Variants in MEIOC observed in about 807,000 individuals in gnomAD.
The protein encoded by MEIOC is meiosis specific with coiled-coil domain, also known as meiosis-specific coiled-coil domain-containing protein MEIOC.
MEIOC carries 9 observed loss-of-function variants against 85.3 expected under a neutral mutation model. The observed-to-expected ratio is 0.11, with a 90% confidence interval of 0.06 to 0.18. MEIOC has a LOEUF of 0.18. Among genes scored for constraint, MEIOC ranks in the 10% least tolerant of loss-of-function variants. The pLI, the probability that MEIOC is intolerant of heterozygous loss-of-function variation, is 1.00. For missense variants in MEIOC, 898 were observed against 1,129.4 expected (o/e 0.80, Z 2.94); for synonymous variants, 365 against 393.7 (o/e 0.93, Z 0.86).
At chr17:44,664,894 A>G (rs931822095) in intron 3 of MEIOC, among the ~76,000 whole-genome samples, 8 of 152,202 alleles carry the variant, frequency 5.3e-5, no homozygotes, top group Non-Finnish European at 1.0e-4. Context: ...GGATGACCAT[A>G]TCGCATTTCA....
intron 2 of MEIOC, among the ~76,000 whole-genome samples, chr17:44,658,180 A>T (rs899229835): frequency 7.6e-6 from 1 of 130,850 alleles, no homozygotes; most frequent in Non-Finnish European, 1.6e-5. Context: ...TTTGAGACGG[A>T]GTCTTGCTCT....
Position 44,675,272 on chromosome 17 carries a change from A to C in MEIOC, c.*1076A>C, listed in dbSNP as rs1289984284. The C allele has an allele frequency of 1.2e-5, 12 of 983,044 alleles. No individual in the cohort carries two copies. Among genetic ancestry groups the C allele is most frequent in the Non-Finnish European group, 1.4e-5 (12 of 827,950 alleles). The allele number at this position is 983,044 out of a possible 1,614,324, so 60.9% of individuals were successfully genotyped here. Reference sequence around the variant, plus strand: ...ATTAGTTTGCTTCTGTATTTTTTTAAAACTATTGAAAGCTTAACTTTTTCT... The same window carrying C: ...ATTAGTTTGCTTCTGTATTTTTTTACAACTATTGAAAGCTTAACTTTTTCT... On this transcript the variant is annotated 3_prime_UTR_variant, in exon 8 of 8. Coordinates refer to ENST00000409122, the MANE Select transcript of MEIOC (RefSeq NM_001145080.3).
intron 2 of MEIOC, among the ~76,000 whole-genome samples, chr17:44,661,203 G>T (rs1320340985): frequency 6.9e-6 from 1 of 144,240 alleles, no homozygotes; most frequent in African/African-American, 2.6e-5. Flanking sequence ...CAGGAGAATC[G>T]CTTCAACCCG....
chr17:44,656,992 G>T, intron 1 of MEIOC, 135 bp from the exon 2 acceptor site: 1 of 1,033,562 alleles, frequency 9.7e-7, no homozygotes, highest in South Asian at 1.8e-5. Context: ...GGAAGCGCGG[G>T]CCCCCACATT....
At chr17:44,657,378 C>CTTT (rs35032511) in intron 2 of MEIOC, 117 bp downstream of exon 2, 128 of 295,962 alleles carry the variant, frequency 4.3e-4, no homozygotes, top group African/African-American at 2.2e-3. Context: ...CCAGGGAAAA[C>CTTT]TTTTTTTTTT....
At position 44,668,082 on chromosome 17, in the gene MEIOC, T is replaced by C. The variant is rs370990129; in HGVS notation, c.2171T>C (p.Met724Thr). 5.0e-6 allele frequency: 8 copies of C among 1,613,404 alleles called. No individual in the cohort carries two copies. Among genetic ancestry groups the C allele is most frequent in the Non-Finnish European group, 6.8e-6 (8 of 1,179,588 alleles). The change falls in exon 5 of 8, where the codon ATG becomes ACG. Residue 724 changes from methionine to threonine, a missense_variant. Physicochemically the swap from Met to Thr is moderately conservative, Grantham distance 81. Transcript: ENST00000409122. ...AGCCATTTGTACCCTTATTTTAATA[T>C]GATGTATGGTGATAATTCTTTTTCT... ...DLSHLYPYFN[M>T]MYGDNSFSGL...
rs1972036887 is a variant in MEIOC at position 44,673,420 on chromosome 17, A to C, written c.2512A>C (p.Ser838Arg). The C allele has an allele frequency of 3.9e-6, 6 of 1,550,320 alleles. No individual in the cohort carries two copies. The highest frequency in any genetic ancestry group is 3.6e-5 in the South Asian group (3 of 83,808). ...ERLRSSLLHA[S>R]ISTALDRHLE... Reference sequence around the variant, plus strand: ...TCTTCGGAGTTCTCTTCTTCATGCCAGTATCTCTACTGCTCTTGATAGACA... The same window carrying C: ...TCTTCGGAGTTCTCTTCTTCATGCCCGTATCTCTACTGCTCTTGATAGACA... Residue 838 changes from serine (S) to arginine (R), a missense_variant, in exon 7 of 8, where the codon AGT becomes CGT. This residue lies in a region of MEIOC where 164 missense variants were observed against 269.2 expected (regional missense o/e 0.61). Transcript: ENST00000409122.
In MEIOC at chr17:44,667,425, G is replaced by A; in HGVS notation, c.1514G>A (p.Ser505Asn). 6.2e-7 allele frequency: 1 copy of A among 1,613,546 alleles called. No homozygotes were observed. The highest frequency in any genetic ancestry group is 8.5e-7 in the Non-Finnish European group (1 of 1,179,628). The change falls in exon 5 of 8, where the codon AGT becomes AAT. Residue 505 changes from serine to asparagine, a missense_variant. Physicochemically the swap from Ser to Asn is conservative, Grantham distance 46. Around this residue, in one of 2 missense-constraint regions of MEIOC, gnomAD observed 734 missense variants for 860.1 expected, o/e 0.85. Coordinates refer to ENST00000409122, the MANE Select transcript of MEIOC (RefSeq NM_001145080.3). ...TTGATGAAATTAAATAGTCATTTAA[G>A]TGCAGCTTCAAAAGGTTCTAACCAT... Reference protein sequence around the residue: ...GNLMKLNSHLSAASKGSNHSS... With the variant: ...GNLMKLNSHLNAASKGSNHSS...
intron 2 of MEIOC, among the ~76,000 whole-genome samples, chr17:44,657,470 G>A (rs1456556101): frequency 2.1e-5 from 3 of 139,828 alleles, no homozygotes; most frequent in African/African-American, 8.0e-5. Context: ...TGCAACCTCC[G>A]CCAGCCGGGC....
rs778431102 is a variant in MEIOC, at chr17:44,668,100, C to A, written c.2189C>A (p.Ser730Tyr). Reference sequence around the variant, plus strand: ...TTTAATATGATGTATGGTGATAATTCTTTTTCTGGTCTCATGCCAACTTTT... The same window carrying A: ...TTTAATATGATGTATGGTGATAATTATTTTTCTGGTCTCATGCCAACTTTT... ...PYFNMMYGDN[S>Y]FSGLMPTFGF... The change falls in exon 5 of 8, where the codon TCT becomes TAT. Residue 730 changes from serine to tyrosine, a missense_variant. By Grantham distance (144) the Ser-to-Tyr change is moderately radical. This residue lies in a region of MEIOC where 734 missense variants were observed against 860.1 expected (regional missense o/e 0.85). Coordinates refer to ENST00000409122, the MANE Select transcript of MEIOC (RefSeq NM_001145080.3). The A allele has an allele frequency of 1.4e-5, 23 of 1,613,714 alleles. No individual in the cohort carries two copies. The highest frequency in any genetic ancestry group is 7.7e-5 in the South Asian group (7 of 91,042).
chr17:44,658,444 C>T (rs1971798252), intron 2 of MEIOC, among the ~76,000 whole-genome samples: 1 of 151,648 alleles, frequency 6.6e-6, no homozygotes, highest in Non-Finnish European at 1.5e-5. Flanking sequence ...CGTGAGCCAC[C>T]GCGCCCGGCT....
Position 44,673,440 on chromosome 17 carries a change from T to C in MEIOC, c.2532T>C (p.Asp844=), listed in dbSNP as rs567371036. The C allele has an allele frequency of 6.4e-7, 1 of 1,551,578 alleles. No individual in the cohort carries two copies. The highest frequency in any genetic ancestry group is 2.4e-5 in the East Asian group (1 of 40,890). ...LLHASISTAL[D]RHLESIHIVQ... ...ATGCCAGTATCTCTACTGCTCTTGA[T>C]AGACACTTGGAGTCTATTCACATTG... Residue 844 remains aspartate (D), a synonymous_variant, in exon 7 of 8, where the codon GAT becomes GAC. Transcript: ENST00000409122.
At chr17:44,676,813 C>T (rs1972082297), downstream of MEIOC, 2 of 283,620 alleles carry the variant, frequency 7.1e-6, no homozygotes, top group Non-Finnish European at 1.1e-5. Context: ...CAGAGTGATC[C>T]GTTTCAAAAA....
intron 6 of MEIOC, chr17:44,669,820 A>T: frequency 3.5e-6 from 1 of 284,552 alleles, no homozygotes; most frequent in Non-Finnish European, 6.8e-6. Context: ...AGATCACGCC[A>T]CTGCACTCCA....
chr17:44,656,818 GGGCGGGCGGGGGGCGC>G, intron 1 of MEIOC, 136 bp downstream of exon 1: 1 of 468,006 alleles, frequency 2.1e-6, no homozygotes, highest in Non-Finnish European at 3.5e-6. Context: ...CGAACGGGGC[GGGCGGGCGGGGGGCGC>G]GGCGCGGGCT....
chr17:44,667,042 G>T lies in MEIOC; in HGVS notation c.1131G>T (p.Ala377=). The T allele has an allele frequency of 1.2e-6, 2 of 1,613,334 alleles. No homozygotes were observed. The highest frequency in any genetic ancestry group is 2.2e-5 in the South Asian group (2 of 91,014). Residue 377 remains alanine, a synonymous_variant, in exon 5 of 8, where the codon GCG becomes GCT. Coordinates refer to ENST00000409122, the MANE Select transcript of MEIOC (RefSeq NM_001145080.3). The part of the protein sequence containing the change: ...TYTKLFQVKP[A]NQKKMEETIP... Reference sequence around the variant, plus strand: ...CAAAGTTATTTCAGGTTAAGCCAGCGAATCAGAAAAAAATGGAGGAGACAA... The same window carrying T: ...CAAAGTTATTTCAGGTTAAGCCAGCTAATCAGAAAAAAATGGAGGAGACAA...
intron 4 of MEIOC, 121 bp from the exon 5 acceptor site, chr17:44,666,255 G>T: frequency 2.6e-6 from 2 of 770,238 alleles, no homozygotes; most frequent in Non-Finnish European, 4.1e-6. Flanking sequence ...GAGTTGAAAG[G>T]GATTAGAGAA....
chr17:44,658,146 C>T lies in MEIOC; in HGVS notation c.204+885C>T, dbSNP rs997813080. 1.7e-4 allele frequency among the ~76,000 whole-genome samples: 23 copies of T among 135,276 alleles called. No individual in the cohort carries two copies. The Admixed American group carries it at 1.9e-3, about 11-fold the overall frequency. 88.7% of individuals were successfully genotyped at this position (135,276 alleles called of 152,430 possible). A position where few individuals can be genotyped will look rare whatever the true frequency, so the allele number is the denominator to read the frequency against. On this transcript the variant is annotated intron_variant, in intron 2 of 7. Coordinates refer to ENST00000409122, the MANE Select transcript of MEIOC (RefSeq NM_001145080.3). The stretch of plus-strand genomic sequence containing the variant: ...GGATTTCAGGCCACAGCGCCCAGCC[C>T]AGGAACAATTTTTTTTTTTTTTTTT...
At position 44,665,395 on chromosome 17, in the gene MEIOC, A is replaced by C; in HGVS notation, c.371A>C (p.Glu124Ala). The C allele has an allele frequency of 6.5e-7, 1 of 1,534,462 alleles. No individual in the cohort carries two copies. The highest frequency in any genetic ancestry group is 8.8e-7 in the Non-Finnish European group (1 of 1,137,314). ...TCATTTATTTTTAGGATTCAAACAG[A>C]AAGAAATGACTATGGCAGTGAAACA... ...QISIKNRIQT[E>A]RNDYGSETDL... The change falls in exon 4 of 8, where the codon GAA becomes GCA. Residue 124 changes from glutamate (E) to alanine (A), a missense_variant. Physicochemically the swap from Glu to Ala is moderately radical, Grantham distance 107. Transcript: ENST00000409122.
Sources: allele counts gnomAD v4.1 joint callset (sites outside exome capture counted in the v4.1 genomes callset), GRCh38; gene constraint gnomAD v4.1.1; regional missense constraint gnomAD v4.1.1; transcripts MANE v1.5; gene names NCBI Gene and HGNC (gene_info 2026-07-23, HGNC 2026-07-21).